The following CMTM8 variants were observed in gnomAD, a reference collection of about 807,000 sequenced individuals.
The protein encoded by CMTM8 is CKLF like MARVEL transmembrane domain containing 8, also known as CKLF-like MARVEL transmembrane domain-containing protein 8.
A neutral mutation model predicts 18.6 loss-of-function variants in CMTM8; 12 were observed. That is an observed-to-expected ratio of 0.65 (90% confidence interval 0.41 to 1.05). The LOEUF is 1.05. Ranked by LOEUF, CMTM8 falls within the 50% of genes least tolerant of loss-of-function variation. CMTM8 has a pLI of 0.00. For missense variants in CMTM8, 217 were observed against 227.2 expected, an observed-to-expected ratio of 0.95 and a Z score of 0.29; for synonymous variants, 87 against 90.6, an observed-to-expected ratio of 0.96 and a Z score of 0.23.
intron 1 of CMTM8, among the ~76,000 whole-genome samples, chr3:32,252,084 C>A (rs577711500): frequency 6.6e-6 from 1 of 152,118 alleles, no homozygotes; most frequent in African/African-American, 2.4e-5. Flanking sequence ...CAGAGCCAGA[C>A]CCTGTCTCAG....
chr3:32,298,908 CACACAT>C (rs1470070148), intron 1 of CMTM8, among the ~76,000 whole-genome samples: 4 of 138,304 alleles, frequency 2.9e-5, no homozygotes, highest in Admixed American at 2.3e-4. Flanking sequence ...TACACACACA[CACACAT>C]ACACACACAC....
chr3:32,273,128 A>AGTGTGTGTGTGTGTGTGT (rs1559366913), intron 1 of CMTM8, among the ~76,000 whole-genome samples: 1 of 64,808 alleles, frequency 1.5e-5, no homozygotes, highest in Admixed American at 1.6e-4. Flanking sequence ...AATTGGAACA[A>AGTGTGTGTGTGTGTGTGT]ATGTGTGTGT....
intron 1 of CMTM8, among the ~76,000 whole-genome samples, chr3:32,297,062 G>C (rs1362896288): frequency 1.3e-5 from 2 of 152,202 alleles, no homozygotes; most frequent in Non-Finnish European, 2.9e-5. Context: ...CATCCCCTTA[G>C]GATGTGTTGA....
At chr3:32,329,413 G>C (rs1381776379) in intron 1 of CMTM8, among the ~76,000 whole-genome samples, 1 of 152,144 alleles carries the variant, frequency 6.6e-6, no homozygotes, top group Non-Finnish European at 1.5e-5. Flanking sequence ...ATTCAACGTA[G>C]TAAAAGGATT....
intron 1 of CMTM8, among the ~76,000 whole-genome samples, chr3:32,314,217 G>A (rs1028295370): frequency 6.6e-6 from 1 of 152,344 alleles, no homozygotes; most frequent in East Asian, 1.9e-4. Context: ...GGAGCAGTGT[G>A]AGTTAAGAAA....
At chr3:32,263,997 G>C (rs1001364513) in intron 1 of CMTM8, among the ~76,000 whole-genome samples, 4 of 152,214 alleles carry the variant, frequency 2.6e-5, no homozygotes, top group African/African-American at 9.6e-5. Context: ...AAGTGACAAG[G>C]AGAATGCAAC....
intron 1 of CMTM8, among the ~76,000 whole-genome samples, chr3:32,287,038 G>A (rs1177681593): frequency 6.6e-6 from 1 of 152,222 alleles, no homozygotes; most frequent in Admixed American, 6.5e-5. Flanking sequence ...GAATGGTGAG[G>A]TGCAGTGGCA....
chr3:32,344,807 A>G (rs1210743534), intron 1 of CMTM8, among the ~76,000 whole-genome samples: 2 of 152,146 alleles, frequency 1.3e-5, no homozygotes, highest in African/African-American at 4.8e-5. Flanking sequence ...AGGTGGGAGA[A>G]TCGCTTGAGC....
rs1163997173 is a variant in CMTM8 at position 32,333,852 on chromosome 3, A to G, written c.148-23521A>G. On this transcript the variant is annotated intron_variant, in intron 1 of 3. Coordinates refer to ENST00000307526, the MANE Select transcript of CMTM8 (RefSeq NM_178868.5). ...ACCACCATGAGTGAACCCTAATGTA[A>G]ACTATGGGCTTTGGTCAATAATAAT... 2.0e-4 allele frequency among the ~76,000 whole-genome samples: 30 copies of G among 152,168 alleles called. 1 individual carries two copies. The highest frequency in any genetic ancestry group is 2.0e-3 in the Admixed American group (30 of 15,284).
At chr3:32,292,215 G>A (rs1333624906) in intron 1 of CMTM8, among the ~76,000 whole-genome samples, 1 of 152,140 alleles carries the variant, frequency 6.6e-6, no homozygotes, top group African/African-American at 2.4e-5. Flanking sequence ...TTCAATCCAC[G>A]CCACCTTGGA....
rs1215499464 is a variant in CMTM8 at position 32,259,847 on chromosome 3, C to T, written c.147+20728C>T. The T allele has an allele frequency of 3.1e-5, 26 of 829,066 alleles. No homozygotes were observed. In the Admixed American group the frequency reaches 4.4e-4, roughly 14 times the overall value. The allele number at this position is 829,066 out of a possible 1,614,324, so 51.4% of individuals were successfully genotyped here. A position where few individuals can be genotyped will look rare whatever the true frequency, so the allele number is the denominator to read the frequency against. ...ACTCACGGAGCTGAGACATGCAGTC[C>T]AGTCCTTGGAGATTGACCTGGACTC... On this transcript the variant is annotated intron_variant, in intron 1 of 3. Transcript: ENST00000307526.
chr3:32,294,100 A>G (rs963636392), intron 1 of CMTM8, among the ~76,000 whole-genome samples: 5 of 152,188 alleles, frequency 3.3e-5, no homozygotes, highest in African/African-American at 1.2e-4. Context: ...CAGCCTCACC[A>G]ACAGGATTGT....
At chr3:32,282,945 A>C (rs1274229224) in intron 1 of CMTM8, among the ~76,000 whole-genome samples, 1 of 152,178 alleles carries the variant, frequency 6.6e-6, no homozygotes, top group Non-Finnish European at 1.5e-5. Flanking sequence ...GTAATAAGTT[A>C]ACCCTTATCT....
intron 1 of CMTM8, among the ~76,000 whole-genome samples, chr3:32,255,034 T>G (rs1044396105): frequency 2.0e-5 from 3 of 152,222 alleles, no homozygotes; most frequent in Admixed American, 2.0e-4. Flanking sequence ...TGACTTATTT[T>G]TGTGGCTTCT....
intron 1 of CMTM8, among the ~76,000 whole-genome samples, chr3:32,311,975 A>T (rs1327823341): frequency 6.6e-6 from 1 of 152,214 alleles, no homozygotes; most frequent in African/African-American, 2.4e-5. Context: ...TCAGCTTTTA[A>T]AGAAAAAAGG....
intron 1 of CMTM8, among the ~76,000 whole-genome samples, chr3:32,300,389 G>A (rs1695590436): frequency 6.6e-6 from 1 of 152,172 alleles, no homozygotes; most frequent in South Asian, 2.1e-4. Flanking sequence ...AAAAGTAGGG[G>A]AAATTTTTAG....
chr3:32,322,012 C>G (rs1407076337), intron 1 of CMTM8, among the ~76,000 whole-genome samples: 1 of 152,210 alleles, frequency 6.6e-6, no homozygotes, highest in Admixed American at 6.5e-5. Flanking sequence ...TCCTGTGAAG[C>G]CTAAACCGTT....
chr3:32,289,885 C>CT (rs1445081375), intron 1 of CMTM8, among the ~76,000 whole-genome samples: 5 of 152,134 alleles, frequency 3.3e-5, no homozygotes, highest in Non-Finnish European at 7.4e-5. Flanking sequence ...AATCCCAGCA[C>CT]TTTAGGAGGC....
intron 1 of CMTM8, among the ~76,000 whole-genome samples, chr3:32,245,246 A>G (rs1447734639): frequency 2.6e-5 from 4 of 152,230 alleles, no homozygotes; most frequent in Non-Finnish European, 5.9e-5. Flanking sequence ...AGAATTACTA[A>G]GAACCTGACT....
Sources: allele counts gnomAD v4.1 joint callset (sites outside exome capture counted in the v4.1 genomes callset), GRCh38; gene constraint gnomAD v4.1.1; transcripts MANE v1.5; gene names NCBI Gene and HGNC (gene_info 2026-07-23, HGNC 2026-07-21).